HOOK3: variants seen among roughly 807,000 people sequenced by gnomAD.
HOOK3 encodes the protein protein Hook homolog 3.
Under a neutral mutation model 116.3 loss-of-function variants are expected in HOOK3, and 24 were observed. The ratio of observed to expected loss-of-function variants is 0.21; its 90% confidence interval spans 0.15 to 0.29. HOOK3 has a LOEUF of 0.29. Among genes scored for constraint, HOOK3 ranks in the 10% least tolerant of loss-of-function variants. The probability of loss-of-function intolerance (pLI) is 1.00; values close to 1 mark genes in which losing one functional copy is unlikely to be tolerated. For missense variants in HOOK3, 632 were observed against 830.2 expected (o/e 0.76, Z 2.93); for synonymous variants, 275 against 283.0 (o/e 0.97, Z 0.28).
intron 17 of HOOK3, among the ~76,000 whole-genome samples, chr8:43,006,422 C>G (rs1395217970): frequency 1.3e-5 from 2 of 152,184 alleles, no homozygotes; most frequent in East Asian, 3.9e-4. Flanking sequence ...TCAAGCAATT[C>G]TCCCACCTTA....
intron 8 of HOOK3, among the ~76,000 whole-genome samples, chr8:42,959,973 A>G (rs1038041327): frequency 6.6e-6 from 1 of 152,144 alleles, no homozygotes; most frequent in Non-Finnish European, 1.5e-5. Flanking sequence ...TGGTCATTGC[A>G]TTGGATGCAT....
At chr8:43,015,527 A>C (rs1312903676) in intron 21 of HOOK3, among the ~76,000 whole-genome samples, 1 of 152,212 alleles carries the variant, frequency 6.6e-6, no homozygotes, top group Admixed American at 6.5e-5. Flanking sequence ...CGTCTCAGAA[A>C]ACAAACAAAC....
rs529763353 is a variant in HOOK3, at chr8:42,996,217, C to T, written c.1533-1333C>T. Among the ~76,000 whole-genome samples the T allele has an allele frequency of 1.1e-4, 17 of 152,022 alleles. 1 individual carries two copies. The South Asian group carries it at 2.1e-3, about 19-fold the overall frequency. ...CCTGATCAACATAGTGAAACCCCGTCTCTACTAAAAATACAAAAATTAGCC... is the reference window on the plus strand; with the variant it reads ...CCTGATCAACATAGTGAAACCCCGTTTCTACTAAAAATACAAAAATTAGCC... On this transcript the variant is annotated intron_variant, in intron 15 of 21. Transcript: ENST00000307602.
intron 2 of HOOK3, among the ~76,000 whole-genome samples, chr8:42,909,431 G>A (rs1807379337): frequency 6.6e-6 from 1 of 152,206 alleles, no homozygotes; most frequent in South Asian, 2.1e-4. Flanking sequence ...GAAAGATGTG[G>A]TGTATATGTA....
At chr8:43,013,214 C>T (rs933955255) in intron 20 of HOOK3, 59 bp downstream of exon 20, 11 of 1,438,472 alleles carry the variant, frequency 7.6e-6, no homozygotes, top group Admixed American at 2.1e-5. Flanking sequence ...TTTTGGGAGC[C>T]TTGTTATATT....
intron 4 of HOOK3, among the ~76,000 whole-genome samples, chr8:42,933,821 C>CT (rs1807915218): frequency 6.6e-6 from 1 of 152,192 alleles, no homozygotes; most frequent in South Asian, 2.1e-4. Context: ...GCTTCCAGTG[C>CT]TGCTGCTGAC....
At chr8:42,961,228 GA>G (rs1261831990) in intron 8 of HOOK3, among the ~76,000 whole-genome samples, 13 of 152,194 alleles carry the variant, frequency 8.5e-5, no homozygotes, top group South Asian at 6.2e-4. Flanking sequence ...ATTTGGAGGG[GA>G]TAAATATCCA....
chr8:43,007,478 A>T (rs1395803001), intron 17 of HOOK3, among the ~76,000 whole-genome samples: 2 of 152,048 alleles, frequency 1.3e-5, no homozygotes, highest in Non-Finnish European at 1.5e-5. Context: ...TCATTAGTTC[A>T]TTTTTTTATT....
intron 15 of HOOK3, among the ~76,000 whole-genome samples, chr8:42,987,856 GT>G (rs1809077488): frequency 6.6e-6 from 1 of 151,516 alleles, no homozygotes; most frequent in South Asian, 2.1e-4. Flanking sequence ...GTTTTGCGCT[GT>G]TTTTGTTTTA....
rs182153275 is a variant in HOOK3, at chr8:43,010,969, C to T, written c.1839+564C>T. On this transcript the variant is annotated intron_variant, in intron 19 of 21. Coordinates refer to ENST00000307602, the MANE Select transcript of HOOK3 (RefSeq NM_032410.4). ...CAAATCAAGGCATTCATCTCTGAGTCCTGGACTGGGGGTTAAGGGGGTCCA... is the reference window on the plus strand; with the variant it reads ...CAAATCAAGGCATTCATCTCTGAGTTCTGGACTGGGGGTTAAGGGGGTCCA... Among the ~76,000 whole-genome samples, 325 of 152,006 alleles carry T rather than the reference C, an allele frequency of 2.1e-3. 4 individuals carry two copies. The highest frequency in any genetic ancestry group is 5.5e-3 in the African/African-American group (228 of 41,488).
chr8:42,956,637 T>C (rs1212104977), intron 6 of HOOK3, among the ~76,000 whole-genome samples: 1 of 152,190 alleles, frequency 6.6e-6, no homozygotes. Context: ...CAGACTAGAG[T>C]GCAATGGCAC....
intron 17 of HOOK3, among the ~76,000 whole-genome samples, chr8:43,004,186 G>A (rs1488193085): frequency 6.6e-6 from 1 of 151,692 alleles, no homozygotes; most frequent in Non-Finnish European, 1.5e-5. Flanking sequence ...GGCCAACATG[G>A]TGAAACTCTG....
At position 42,999,061 on chromosome 8, in the gene HOOK3, A is replaced by G. The variant is rs558468677; in HGVS notation, c.1620+1424A>G. Among the ~76,000 whole-genome samples the G allele has an allele frequency of 2.0e-5, 3 of 152,346 alleles. No individual in the cohort carries two copies. In the East Asian group the frequency reaches 5.8e-4, roughly 29 times the overall value. On this transcript the variant is annotated intron_variant, in intron 16 of 21. Coordinates refer to ENST00000307602, the MANE Select transcript of HOOK3 (RefSeq NM_032410.4). ...TTTGTTATGGGAGTGAGGGAAGGGC[A>G]TGTGGTACATAGGAAGTAAAAATGG...
At chr8:42,987,109 C>A (rs1809062613) in intron 15 of HOOK3, among the ~76,000 whole-genome samples, 1 of 152,140 alleles carries the variant, frequency 6.6e-6, no homozygotes, top group African/African-American at 2.4e-5. Context: ...TTGCAGTGAG[C>A]CAAGGCCACA....
At chr8:42,977,255 T>G (rs1808847343) in intron 13 of HOOK3, among the ~76,000 whole-genome samples, 1 of 152,178 alleles carries the variant, frequency 6.6e-6, no homozygotes, top group Non-Finnish European at 1.5e-5. Flanking sequence ...ACCTCTTATA[T>G]AAGCAGAAAG....
Position 42,957,121 on chromosome 8 carries a change from G to A in HOOK3, c.496G>A (p.Ala166Thr), listed in dbSNP as rs761507604. Residue 166 changes from alanine (A) to threonine (T), a missense_variant, in exon 7 of 22, where the codon GCT becomes ACT. Physicochemically the swap from Ala to Thr is moderately conservative, Grantham distance 58. Coordinates refer to ENST00000307602, the MANE Select transcript of HOOK3 (RefSeq NM_032410.4). ...ELMSKESPVS[A>T]GNDAYVDLDR... ...GATGAGTAAAGAATCTCCTGTCTCT[G>A]CTGGAAATGATGCCTATGTTGACCT... 1 of 1,596,432 alleles carries A rather than the reference G, an allele frequency of 6.3e-7. No homozygotes were observed. The highest frequency in any genetic ancestry group is 8.6e-7 in the Non-Finnish European group (1 of 1,168,986).
At chr8:42,918,331 TTCTC>T (rs1461733586) in intron 2 of HOOK3, among the ~76,000 whole-genome samples, 5 of 152,022 alleles carry the variant, frequency 3.3e-5, no homozygotes, top group African/African-American at 7.2e-5. Context: ...AAGCGAGACA[TTCTC>T]TCTCTCAAAA....
chr8:42,941,027 A>G (rs1808106184), intron 4 of HOOK3, among the ~76,000 whole-genome samples: 1 of 151,748 alleles, frequency 6.6e-6, no homozygotes, highest in African/African-American at 2.4e-5. Context: ...CTCACTGGCA[A>G]CCTCCACCTC....
chr8:42,946,990 C>T (rs1021385482), intron 5 of HOOK3, among the ~76,000 whole-genome samples: 4 of 152,102 alleles, frequency 2.6e-5, no homozygotes, highest in East Asian at 3.9e-4. Flanking sequence ...AGGCTGGTCT[C>T]GAGCTCCTGA....
Sources: gnomAD v4.1 joint callset for allele counts (sites outside exome capture counted in the v4.1 genomes callset) on GRCh38, gnomAD v4.1.1 for gene constraint, MANE v1.5 for transcripts, NCBI Gene and HGNC (gene_info 2026-07-23, HGNC 2026-07-21) for gene names.